Variants in ZDHHC14 observed in about 807,000 individuals in gnomAD.
ZDHHC14 encodes the protein zDHHC palmitoyltransferase 14.
ZDHHC14 carries 16 observed loss-of-function variants against 47.7 expected under a neutral mutation model. That is an observed-to-expected ratio of 0.34 (90% CI 0.23 to 0.51). ZDHHC14 has a LOEUF of 0.51. ZDHHC14 is among the 20% of genes least tolerant of loss of function. The pLI is 0.97. For synonymous variants in ZDHHC14, 293 were observed against 278.9 expected (o/e 1.05, Z -0.50); for missense variants, 515 against 662.5 (o/e 0.78, Z 2.44).
intron 1 of ZDHHC14, among the ~76,000 whole-genome samples, chr6:157,401,706 ACC>A (rs1417340701): frequency 1.6e-5 from 2 of 124,044 alleles, no homozygotes; most frequent in African/African-American, 3.2e-5. Flanking sequence ...TGCTGAGGAC[ACC>A]CTGCAGTAGT....
intron 1 of ZDHHC14, among the ~76,000 whole-genome samples, chr6:157,525,806 C>T (rs1474990810): frequency 2.0e-5 from 3 of 152,166 alleles, no homozygotes; most frequent in Non-Finnish European, 1.5e-5. Flanking sequence ...TGGATGCCTG[C>T]GAGGGGACAG....
chr6:157,406,202 G>A (rs1238511716), intron 1 of ZDHHC14, among the ~76,000 whole-genome samples: 1 of 152,216 alleles, frequency 6.6e-6, no homozygotes, highest in Non-Finnish European at 1.5e-5. Context: ...GGGAGGGAGT[G>A]GGGTGATTCA....
At chr6:157,473,957 G>C (rs1779417219) in intron 1 of ZDHHC14, among the ~76,000 whole-genome samples, 1 of 151,122 alleles carries the variant, frequency 6.6e-6, no homozygotes, top group Non-Finnish European at 1.5e-5. Context: ...TTTCGGATAA[G>C]GGAAATTCAA....
At chr6:157,395,027 CT>C (rs1777492713) in intron 1 of ZDHHC14, among the ~76,000 whole-genome samples, 1 of 149,748 alleles carries the variant, frequency 6.7e-6, no homozygotes, top group Non-Finnish European at 1.5e-5. Context: ...AATCCCAGCA[CT>C]TGCTTGGCAG....
At chr6:157,404,082 A>G (rs1229267906) in intron 1 of ZDHHC14, among the ~76,000 whole-genome samples, 1 of 152,250 alleles carries the variant, frequency 6.6e-6, no homozygotes, top group Non-Finnish European at 1.5e-5. Context: ...AGTGCCATAT[A>G]TCTTTGGAGT....
At chr6:157,565,584 C>T (rs528204981) in intron 2 of ZDHHC14, among the ~76,000 whole-genome samples, 19 of 152,042 alleles carry the variant, frequency 1.2e-4, no homozygotes, top group Non-Finnish European at 2.8e-4. Context: ...TTTGGAAGGC[C>T]GAGGCGGGCG....
chr6:157,628,664 C>T, intron 4 of ZDHHC14, 178 bp downstream of exon 4: 1 of 746,878 alleles, frequency 1.3e-6, no homozygotes, highest in Non-Finnish European at 2.1e-6. Flanking sequence ...CTCCATCCCT[C>T]CTCCGTCCCC....
intron 2 of ZDHHC14, chr6:157,592,654 T>C: frequency 1.2e-6 from 1 of 808,730 alleles, no homozygotes; most frequent in Non-Finnish European, 1.6e-6. Context: ...TCTCCCAAGA[T>C]GGCCTGGGGC....
chr6:157,648,782 C>T (rs1201511142), intron 7 of ZDHHC14, among the ~76,000 whole-genome samples: 1 of 152,200 alleles, frequency 6.6e-6, no homozygotes, highest in African/African-American at 2.4e-5. Flanking sequence ...GAAAGTCTCT[C>T]AGGCAATGGC....
rs1049164376 is a variant in ZDHHC14 at position 157,427,416 on chromosome 6, T to C, written c.245+45150T>C. Among the ~76,000 whole-genome samples the C allele has an allele frequency of 3.3e-5, 5 of 151,916 alleles. No homozygotes were observed. The highest frequency in any genetic ancestry group is 7.4e-5 in the Non-Finnish European group (5 of 67,988). On this transcript the variant is annotated intron_variant, in intron 1 of 8. Coordinates refer to ENST00000359775, the MANE Select transcript of ZDHHC14 (RefSeq NM_024630.3). The surrounding 1 kb of genome is among the most constrained non-coding windows in gnomAD (Gnocchi z 4.4). Reference sequence around the variant, plus strand: ...CCCCGAGGACTGGAGGGCATTTATGTTTTGGGGAATCTGCTTCCCACTCTG... The same window carrying C: ...CCCCGAGGACTGGAGGGCATTTATGCTTTGGGGAATCTGCTTCCCACTCTG...
intron 2 of ZDHHC14, among the ~76,000 whole-genome samples, chr6:157,555,227 A>G (rs1782410358): frequency 6.6e-6 from 1 of 152,158 alleles, no homozygotes; most frequent in East Asian, 1.9e-4. Context: ...TATCTTACAT[A>G]ATATTAATTT....
At chr6:157,513,024 C>T (rs1351314715) in intron 1 of ZDHHC14, among the ~76,000 whole-genome samples, 2 of 152,180 alleles carry the variant, frequency 1.3e-5, no homozygotes, top group East Asian at 3.8e-4. Flanking sequence ...ATGTGTATCA[C>T]TCTCATATCA....
rs1244096928 is a variant in ZDHHC14 at position 157,381,257 on chromosome 6, G to A, written c.-765G>A. 6.6e-6 allele frequency: 1 copy of A among 151,890 alleles called. No individual in the cohort carries two copies. Among genetic ancestry groups the A allele is most frequent in the African/African-American group, 2.4e-5 (1 of 41,192 alleles). 9.4% of individuals were successfully genotyped at this position (151,890 alleles called of 1,614,324 possible). A position where few individuals can be genotyped will look rare whatever the true frequency, so the allele number is the denominator to read the frequency against. On this transcript the variant is annotated 5_prime_UTR_variant, in exon 1 of 9. Transcript: ENST00000359775. ...CCTCGCGCCGGGGCCGCTTCCTCCG[G>A]GTAGGAGGGAGCAAGGGAGCCCTCG...
intron 3 of ZDHHC14, among the ~76,000 whole-genome samples, chr6:157,615,112 G>A (rs1864501): frequency 0.34 from 52,205 of 151,934 alleles, 10,105 homozygotes; most frequent in East Asian, 0.86. Flanking sequence ...TTTTCATTTT[G>A]CCACGGGCCC....
chr6:157,411,919 A>G (rs1777878148), intron 1 of ZDHHC14, among the ~76,000 whole-genome samples: 1 of 151,424 alleles, frequency 6.6e-6, no homozygotes, highest in Non-Finnish European at 1.5e-5. Context: ...AGAGATATAT[A>G]CATATATATA....
chr6:157,489,134 G>A (rs1779851990), intron 1 of ZDHHC14, among the ~76,000 whole-genome samples: 1 of 152,182 alleles, frequency 6.6e-6, no homozygotes, highest in African/African-American at 2.4e-5. Context: ...TGCCTCATCC[G>A]ATTAACAACT....
chr6:157,555,804 T>C lies in ZDHHC14; in HGVS notation c.406+13059T>C, dbSNP rs933395673. Among the ~76,000 whole-genome samples, 10 of 152,130 alleles carry C rather than the reference T, an allele frequency of 6.6e-5. 1 individual carries two copies. The highest frequency in any genetic ancestry group is 2.4e-4 in the African/African-American group (10 of 41,430). ...AGCAGCATCCCCACCTTCTACCCAC[T>C]AGAATTGTGCCAAAAAAATTATCTC... On this transcript the variant is annotated intron_variant, in intron 2 of 8. Coordinates refer to ENST00000359775, the MANE Select transcript of ZDHHC14 (RefSeq NM_024630.3).
At chr6:157,575,120 G>A (rs189965386) in intron 2 of ZDHHC14, among the ~76,000 whole-genome samples, 22 of 152,334 alleles carry the variant, frequency 1.4e-4, no homozygotes, top group African/African-American at 5.3e-4. Flanking sequence ...GCAGCAGGCT[G>A]GAAGCAGGCG....
intron 2 of ZDHHC14, among the ~76,000 whole-genome samples, chr6:157,578,025 C>G (rs966708509): frequency 6.7e-6 from 1 of 149,674 alleles, no homozygotes; most frequent in Non-Finnish European, 1.5e-5. Flanking sequence ...TGTCCTTTGC[C>G]CACTTTTTAA....
Sources: gnomAD v4.1 joint callset for allele counts (sites outside exome capture counted in the v4.1 genomes callset) on GRCh38, gnomAD v4.1.1 for gene constraint, Gnocchi (gnomAD v3.1) non-coding constraint, MANE v1.5 for transcripts, NCBI Gene and HGNC (gene_info 2026-07-23, HGNC 2026-07-21) for gene names.